DOCK8: variants seen among roughly 807,000 people sequenced by gnomAD.
The protein encoded by DOCK8 is dedicator of cytokinesis 8, also known as dedicator of cytokinesis protein 8.
A neutral mutation model predicts 245.6 loss-of-function variants in DOCK8; 141 were observed. The ratio of observed to expected loss-of-function variants is 0.57; its 90% CI spans 0.50 to 0.66. DOCK8 has a LOEUF of 0.66. Ranked by LOEUF, DOCK8 falls within the 30% of genes least tolerant of loss-of-function variation. The pLI, the probability that DOCK8 is intolerant of heterozygous loss-of-function variation, is 0.00. For synonymous variants in DOCK8, 1,168 were observed against 970.2 expected (o/e 1.20, Z -3.79); for missense variants, 2,965 against 2,603.4 (o/e 1.14, Z -3.02).
At chr9:261,193 A>G (rs1000302407) in intron 1 of DOCK8, among the ~76,000 whole-genome samples, 1 of 152,136 alleles carries the variant, frequency 6.6e-6, no homozygotes, top group Non-Finnish European at 1.5e-5. Flanking sequence ...GCTTTTTTAT[A>G]CTTTTTATAT....
chr9:312,097 G>A lies in DOCK8; in HGVS notation c.672G>A (p.Lys224=). The A allele has an allele frequency of 6.2e-7, 1 of 1,614,220 alleles. No homozygotes were observed. The highest frequency in any genetic ancestry group is 8.5e-7 in the Non-Finnish European group (1 of 1,180,036). The change falls in exon 6 of 48, where the codon AAG becomes AAA. Residue 224 remains lysine, a synonymous_variant. Coordinates refer to ENST00000432829, the MANE Select transcript of DOCK8 (RefSeq NM_203447.4). The part of the protein sequence containing the change: ...LQQVSAEDFE[K]QNEEARRTNR... Reference sequence around the variant, plus strand: ...AAGTGAGTGCCGAGGACTTTGAGAAGCAGAACGAGGAGGCCCGGAGGACCA... The same window carrying A: ...AAGTGAGTGCCGAGGACTTTGAGAAACAGAACGAGGAGGCCCGGAGGACCA...
chr9:420,274 G>GTGA lies in DOCK8; in HGVS notation c.3841-124_3841-122dup, dbSNP rs1357256050. 3.5e-5 allele frequency: 36 copies of GTGA among 1,016,802 alleles called. No homozygotes were observed. The East Asian group carries it at 9.1e-4, about 26-fold the overall frequency. 63.0% of individuals were successfully genotyped at this position (1,016,802 alleles called of 1,614,324 possible). On this transcript the variant is annotated intron_variant, in intron 30 of 47. Coordinates refer to ENST00000432829, the MANE Select transcript of DOCK8 (RefSeq NM_203447.4). ...CTGGCAATAGATCTCCAGCCTAGCA[G>GTGA]TGATGTACAGTCATGGTATTTTAAG...
In DOCK8 at chr9:418,129, C is replaced by T. The variant is rs182387813; in HGVS notation, c.3762C>T (p.Ala1254=). ...GSDEEQEGAG[A]INQNVALAIA... ...ATGAAGAACAAGAAGGAGCCGGTGC[C>T]ATTAACCAGAATGTGGCTCTGGCCA... Residue 1254 remains alanine (A), a synonymous_variant, in exon 30 of 48, where the codon GCC becomes GCT. Transcript: ENST00000432829. 8 of 1,614,206 alleles carry T rather than the reference C, an allele frequency of 5.0e-6. No individual in the cohort carries two copies. The highest frequency in any genetic ancestry group is 5.9e-6 in the Non-Finnish European group (7 of 1,180,038).
chr9:423,793 G>A (rs988283404), intron 33 of DOCK8, among the ~76,000 whole-genome samples: 6 of 152,112 alleles, frequency 3.9e-5, no homozygotes, highest in African/African-American at 7.2e-5. Flanking sequence ...TATGCATGCC[G>A]TGGGTGCTAC....
chr9:440,009 A>T (rs1468353773), intron 40 of DOCK8, among the ~76,000 whole-genome samples: 1 of 151,778 alleles, frequency 6.6e-6, no homozygotes, highest in Non-Finnish European at 1.5e-5. Context: ...AAGAGGAAAC[A>T]CTCTTGTCTA....
At chr9:413,440 A>G (rs1291319108) in intron 28 of DOCK8, among the ~76,000 whole-genome samples, 1 of 152,228 alleles carries the variant, frequency 6.6e-6, no homozygotes, top group Non-Finnish European at 1.5e-5. Context: ...TTTGTGATTT[A>G]TAGGACACCA....
chr9:347,974 G>T (rs1456197690), intron 14 of DOCK8, among the ~76,000 whole-genome samples: 1 of 152,126 alleles, frequency 6.6e-6, no homozygotes, highest in Non-Finnish European at 1.5e-5. Context: ...TATGAAAGTA[G>T]GACACATATT....
At chr9:287,088 C>T (rs985731776) in intron 3 of DOCK8, among the ~76,000 whole-genome samples, 5 of 152,142 alleles carry the variant, frequency 3.3e-5, no homozygotes, top group African/African-American at 7.2e-5. Flanking sequence ...AAGTTAGAAA[C>T]ATAAGGTAAA....
At chr9:310,908 G>T (rs2050079923) in intron 5 of DOCK8, among the ~76,000 whole-genome samples, 1 of 152,100 alleles carries the variant, frequency 6.6e-6, no homozygotes, top group Non-Finnish European at 1.5e-5. Context: ...GTGGGACCTG[G>T]GACTTGCTTC....
At chr9:432,400 A>G in intron 37 of DOCK8, 76 bp downstream of exon 37, 1 of 1,345,576 alleles carries the variant, frequency 7.4e-7, no homozygotes, top group South Asian at 1.2e-5. Context: ...GTATGTACAT[A>G]TATACACAAT....
chr9:317,415 G>A (rs1202554068), intron 7 of DOCK8, among the ~76,000 whole-genome samples: 1 of 152,154 alleles, frequency 6.6e-6, no homozygotes, highest in Non-Finnish European at 1.5e-5. Context: ...AAGAAAAATA[G>A]CGCTTAAGTC....
chr9:231,929 A>T (rs894924992), intron 1 of DOCK8, among the ~76,000 whole-genome samples: 1 of 152,128 alleles, frequency 6.6e-6, no homozygotes, highest in Non-Finnish European at 1.5e-5. Flanking sequence ...AACTTCCAAC[A>T]TTATGTTGAA....
Position 439,370 on chromosome 9 carries a change from C to T in DOCK8, c.5205C>T (p.Ala1735=), listed in dbSNP as rs150682688. The change falls in exon 40 of 48, where the codon GCC becomes GCT. Residue 1735 remains alanine (A), a synonymous_variant. Transcript: ENST00000432829. The part of the protein sequence containing the change: ...ESGLVGLLEQ[A]AELFSTGGLY... ...GCCTGGTAGGCCTCCTGGAGCAGGC[C>T]GCGGAGCTCTTCAGCACGGTCAGTG... The T allele has an allele frequency of 2.4e-5, 39 of 1,613,638 alleles. No homozygotes were observed. The African/African-American group carries it at 3.6e-4, about 15-fold the overall frequency.
chr9:375,079 T>C (rs79717237), intron 18 of DOCK8, among the ~76,000 whole-genome samples: 2,707 of 152,290 alleles, frequency 0.018, 50 homozygotes, highest in East Asian at 0.064. Context: ...TATAGGAAAT[T>C]TTCAGGCTTT....
chr9:463,328 T>C (rs2057864661), intron 46 of DOCK8, among the ~76,000 whole-genome samples, 189 bp from the exon 47 acceptor site: 1 of 151,906 alleles, frequency 6.6e-6, no homozygotes, highest in Admixed American at 6.6e-5. Context: ...TCAGCAGTTA[T>C]GATTCATTAA....
chr9:445,173 G>A (rs1242326084), intron 43 of DOCK8, among the ~76,000 whole-genome samples: 1 of 152,222 alleles, frequency 6.6e-6, no homozygotes, highest in Admixed American at 6.5e-5. Flanking sequence ...AGTTGGCCGT[G>A]TGCCCACAGT....
At chr9:312,211 T>C (rs1481389328) in intron 6 of DOCK8, 45 bp downstream of exon 6, 4 of 1,598,040 alleles carry the variant, frequency 2.5e-6, no homozygotes, top group South Asian at 1.1e-5. Context: ...GTGAAGACTC[T>C]GAGAGTCATG....
intron 31 of DOCK8, 37 bp downstream of exon 31, chr9:420,620 A>T: frequency 6.2e-7 from 1 of 1,611,866 alleles, no homozygotes; most frequent in African/African-American, 1.3e-5. Flanking sequence ...ACCAGCTCTT[A>T]TCTCTCAATT....
chr9:376,830 G>A (rs571618989), intron 19 of DOCK8, 147 bp from the exon 20 acceptor site: 16 of 737,212 alleles, frequency 2.2e-5, no homozygotes, highest in Middle Eastern at 2.5e-4. Flanking sequence ...TCATAGCCTC[G>A]GTCTGAAACA....
Sources: allele counts gnomAD v4.1 joint callset (sites outside exome capture counted in the v4.1 genomes callset), GRCh38; gene constraint gnomAD v4.1.1; transcripts MANE v1.5; gene names NCBI Gene and HGNC (gene_info 2026-07-23, HGNC 2026-07-21).